EPHB1: variants seen among roughly 807,000 people sequenced by gnomAD.
EPHB1 encodes the protein ephrin type-B receptor 1.
In EPHB1, 30 loss-of-function variants were observed where a neutral mutation model predicts 94.4. The observed-to-expected ratio is 0.32, with a 90% CI of 0.24 to 0.43. The LOEUF (loss-of-function observed/expected upper bound fraction) is 0.43. Among genes scored for constraint, EPHB1 ranks in the 20% least tolerant of loss-of-function variants. EPHB1 has a pLI of 1.00. For synonymous variants in EPHB1, 522 were observed against 489.1 expected (o/e 1.07, Z -0.89); for missense variants, 1,055 against 1,308.3 (o/e 0.81, Z 2.99).
At chr3:134,998,062 C>A (rs537022056) in intron 3 of EPHB1, among the ~76,000 whole-genome samples, 5 of 152,124 alleles carry the variant, frequency 3.3e-5, no homozygotes, top group African/African-American at 1.2e-4. Flanking sequence ...AGTTCAATTT[C>A]TCATACCTGA....
chr3:135,021,084 G>A (rs1261903340), intron 3 of EPHB1, among the ~76,000 whole-genome samples: 1 of 152,050 alleles, frequency 6.6e-6, no homozygotes, highest in African/African-American at 2.4e-5. Flanking sequence ...TCTAACAGTT[G>A]TAAACTAAGC....
intron 1 of EPHB1, among the ~76,000 whole-genome samples, chr3:134,811,456 C>A (rs1159098362): frequency 6.6e-6 from 1 of 151,944 alleles, no homozygotes; most frequent in African/African-American, 2.4e-5. Context: ...CCAGGCTGGT[C>A]TTGAACTCCT....
intron 1 of EPHB1, among the ~76,000 whole-genome samples, chr3:134,861,550 C>A (rs1463292880): frequency 6.6e-6 from 1 of 152,148 alleles, no homozygotes; most frequent in Non-Finnish European, 1.5e-5. Flanking sequence ...GTCATGCCAG[C>A]TTCCAGAAAA....
chr3:135,038,406 A>G (rs1465200044), intron 3 of EPHB1, among the ~76,000 whole-genome samples: 2 of 152,120 alleles, frequency 1.3e-5, no homozygotes, highest in African/African-American at 2.4e-5. Flanking sequence ...TAAACATGTA[A>G]GTCCTGCTCC....
intron 10 of EPHB1, among the ~76,000 whole-genome samples, chr3:135,187,193 T>C (rs1942351072): frequency 6.6e-6 from 1 of 152,140 alleles, no homozygotes; most frequent in South Asian, 2.1e-4. Context: ...TGTGTGCCAA[T>C]CAAAGTCCAG....
chr3:135,253,780 T>C (rs550061466), intron 15 of EPHB1, among the ~76,000 whole-genome samples: 1,842 of 151,888 alleles, frequency 0.012, 40 homozygotes, highest in African/African-American at 0.042. Flanking sequence ...GGGGATGGCA[T>C]TGAATCTGTA....
chr3:135,158,026 G>T (rs931387012), intron 6 of EPHB1, among the ~76,000 whole-genome samples: 1 of 152,160 alleles, frequency 6.6e-6, no homozygotes, highest in Admixed American at 6.5e-5. Flanking sequence ...TTCTGAGCTT[G>T]ATAGGAGAGT....
intron 3 of EPHB1, among the ~76,000 whole-genome samples, chr3:134,960,863 T>G (rs1275070721): frequency 6.6e-6 from 1 of 152,158 alleles, no homozygotes; most frequent in Non-Finnish European, 1.5e-5. Flanking sequence ...GCATTTTGGT[T>G]TCTGGCTTTT....
At chr3:135,007,429 C>T (rs1166978020) in intron 3 of EPHB1, among the ~76,000 whole-genome samples, 1 of 152,098 alleles carries the variant, frequency 6.6e-6, no homozygotes, top group Admixed American at 6.6e-5. Context: ...AAATAAAGCC[C>T]GAAATAATGG....
At chr3:135,082,189 G>A (rs1938188801) in intron 3 of EPHB1, among the ~76,000 whole-genome samples, 2 of 152,316 alleles carry the variant, frequency 1.3e-5, no homozygotes, top group East Asian at 1.9e-4. Flanking sequence ...ACCACGGACA[G>A]ACATGAGAGA....
At chr3:134,995,663 A>G (rs981279355) in intron 3 of EPHB1, among the ~76,000 whole-genome samples, 1 of 152,252 alleles carries the variant, frequency 6.6e-6, no homozygotes, top group Non-Finnish European at 1.5e-5. Context: ...GCTGGTGAGA[A>G]TGGAAAAACT....
intron 6 of EPHB1, chr3:135,154,492 C>G: frequency 1.9e-6 from 1 of 531,800 alleles, no homozygotes; most frequent in South Asian, 2.6e-5. Context: ...AGAGAAACTT[C>G]CAGTCCACCA....
chr3:135,218,441 T>C (rs1232958414), intron 12 of EPHB1, among the ~76,000 whole-genome samples: 2 of 152,192 alleles, frequency 1.3e-5, no homozygotes, highest in African/African-American at 4.8e-5. Context: ...AAGGCCTGTA[T>C]ATTATTAGCA....
At chr3:134,994,472 A>G (rs1318887637) in intron 3 of EPHB1, among the ~76,000 whole-genome samples, 1 of 152,204 alleles carries the variant, frequency 6.6e-6, no homozygotes, top group African/African-American at 2.4e-5. Flanking sequence ...CAGTACTTCC[A>G]GACTCCTCAA....
chr3:134,971,345 G>A (rs964518993), intron 3 of EPHB1, among the ~76,000 whole-genome samples: 2 of 152,196 alleles, frequency 1.3e-5, no homozygotes, highest in Non-Finnish European at 2.9e-5. Flanking sequence ...TTCCTCACCA[G>A]TGGCATCATT....
At chr3:135,161,618 AG>A (rs1332372018) in intron 6 of EPHB1, among the ~76,000 whole-genome samples, 2 of 152,324 alleles carry the variant, frequency 1.3e-5, no homozygotes, top group East Asian at 3.9e-4. Context: ...AGAGGCAGGC[AG>A]GGGGCAGATG....
intron 1 of EPHB1, among the ~76,000 whole-genome samples, chr3:134,805,243 C>T (rs1001365536): frequency 6.6e-6 from 1 of 152,094 alleles, no homozygotes; most frequent in Admixed American, 6.5e-5. Context: ...AAAGCCCATC[C>T]GGGGATGCTC....
At chr3:135,076,261 A>ATATATATATATATATAAT in intron 3 of EPHB1, among the ~76,000 whole-genome samples, 1 of 112,580 alleles carries the variant, frequency 8.9e-6, no homozygotes, top group Non-Finnish European at 1.9e-5. Flanking sequence ...ATATATATAT[A>ATATATATATATATATAAT]ACTCTTAAAT....
At chr3:134,821,112 T>C (rs1315960999) in intron 1 of EPHB1, among the ~76,000 whole-genome samples, 2 of 152,140 alleles carry the variant, frequency 1.3e-5, no homozygotes, top group African/African-American at 4.8e-5. Context: ...TCAGTTTGAA[T>C]CCAAAGGTAG....
Sources: gnomAD v4.1 joint callset for allele counts (sites outside exome capture counted in the v4.1 genomes callset) on GRCh38, gnomAD v4.1.1 for gene constraint, MANE v1.5 for transcripts, NCBI Gene and HGNC (gene_info 2026-07-23, HGNC 2026-07-21) for gene names.